Variants in SLC35E2B observed in about 807,000 individuals in gnomAD.
SLC35E2B encodes solute carrier family 35 member E2B.
SLC35E2B carries 18 observed loss-of-function variants against 32.4 expected under a neutral mutation model. The observed-to-expected ratio is 0.56, with a 90% CI of 0.38 to 0.82. The LOEUF (loss-of-function observed/expected upper bound fraction) is 0.82. Ranked by LOEUF, SLC35E2B falls within the 40% of genes least tolerant of loss-of-function variation. SLC35E2B has a pLI of 0.00. For missense variants in SLC35E2B, 263 were observed against 469.5 expected, an observed-to-expected ratio of 0.56 and a Z score of 4.06; for synonymous variants, 132 against 209.1, an observed-to-expected ratio of 0.63 and a Z score of 3.18.
At position 1,668,612 on chromosome 1, in the gene SLC35E2B, C is replaced by T. The variant is rs766657113; in HGVS notation, c.835-140G>A. On this transcript the variant is annotated intron_variant, in intron 8 of 9. Coordinates refer to ENST00000617444, the MANE Select transcript of SLC35E2B (RefSeq NM_001290264.2). The stretch of plus-strand genomic sequence containing the variant: ...AGGACAGCCCTGAAAATGCCTCGAG[C>T]GGACAGCTGGACTGTGCACTCATCC... 2.0e-5 allele frequency: 27 copies of T among 1,335,046 alleles called. 1 individual carries two copies. The highest frequency in any genetic ancestry group is 8.0e-5 in the Admixed American group (4 of 49,894). The allele number at this position is 1,335,046 out of a possible 1,614,324, so 82.7% of individuals were successfully genotyped here. A position where few individuals can be genotyped will look rare whatever the true frequency, so the allele number is the denominator to read the frequency against.
At chr1:1,667,141 T>A (rs112681629) in intron 9 of SLC35E2B, among the ~76,000 whole-genome samples, 13 of 1,742 alleles carry the variant, frequency 7.5e-3, no homozygotes, top group Admixed American at 0.024. Context: ...GCGCGGTGGC[T>A]CACGCCTGTA....
At chr1:1,688,176 G>A (rs1643974411) in intron 2 of SLC35E2B, among the ~76,000 whole-genome samples, 1 of 152,098 alleles carries the variant, frequency 6.6e-6, no homozygotes, top group Non-Finnish European at 1.5e-5. Flanking sequence ...AATGGCAAAG[G>A]AGGGGAAGTC....
At chr1:1,669,849 T>C in intron 7 of SLC35E2B, 113 bp from the exon 8 acceptor site, 7 of 1,143,434 alleles carry the variant, frequency 6.1e-6, no homozygotes, top group Non-Finnish European at 9.0e-6. Flanking sequence ...GTTCATTCTC[T>C]CTAGACAGGA....
chr1:1,677,745 T>G (rs2101106958), intron 2 of SLC35E2B, among the ~76,000 whole-genome samples: 4 of 151,862 alleles, frequency 2.6e-5, no homozygotes, highest in Admixed American at 2.6e-4. Flanking sequence ...CTCGGCCTCC[T>G]AAAGTTCCAT....
rs1238351373 is a variant in SLC35E2B at position 1,671,388 on chromosome 1, C to A, written c.707+121G>T. 2.0e-4 allele frequency: 222 copies of A among 1,138,362 alleles called. 1 individual carries two copies. Among genetic ancestry groups the A allele is most frequent in the Middle Eastern group, 9.2e-4 (3 of 3,250 alleles). 70.5% of individuals were successfully genotyped at this position (1,138,362 alleles called of 1,614,324 possible). On this transcript the variant is annotated intron_variant, in intron 6 of 9. Transcript: ENST00000617444. ...TGTTTTGCTCTTTAGGAAAGGGCAG[C>A]ATTGGACGCACCTGCTTTGGCTCAC...
chr1:1,678,534 G>A lies in SLC35E2B; in HGVS notation c.-147-1688C>T, dbSNP rs114932186. On this transcript the variant is annotated intron_variant, in intron 2 of 9. Transcript: ENST00000617444. The stretch of plus-strand genomic sequence containing the variant: ...ACCGCCAGCTCAGTGCCACCCAGAC[G>A]CTCCCAGGCCACCCATGTGTGCCCT... Among the ~76,000 whole-genome samples, 854 of 152,106 alleles carry A rather than the reference G, an allele frequency of 5.6e-3. 14 individuals carry two copies. The highest frequency in any genetic ancestry group is 0.018 in the African/African-American group (761 of 41,470).
chr1:1,671,685 C>A, intron 5 of SLC35E2B, 56 bp from the exon 6 acceptor site: 1 of 1,430,168 alleles, frequency 7.0e-7, no homozygotes. Flanking sequence ...CGCTCCCTCC[C>A]GAGGGCCAGG....
In SLC35E2B at chr1:1,671,641, A is replaced by G; in HGVS notation, c.587-12T>C. On this transcript the variant is annotated splice_polypyrimidine_tract_variant and intron_variant, in intron 5 of 9. Coordinates refer to ENST00000617444, the MANE Select transcript of SLC35E2B (RefSeq NM_001290264.2). ...GTTGACCAGCAGCCCTGGCGAGAGG[A>G]CAGCCCCTGTGAGTGGCTGACCCGC... 6.5e-7 allele frequency: 1 copy of G among 1,532,160 alleles called. No homozygotes were observed. The highest frequency in any genetic ancestry group is 8.8e-7 in the Non-Finnish European group (1 of 1,136,610). 94.9% of individuals were successfully genotyped at this position (1,532,160 alleles called of 1,614,324 possible). A position where few individuals can be genotyped will look rare whatever the true frequency, so the allele number is the denominator to read the frequency against.
chr1:1,682,955 T>C (rs1156856639), intron 2 of SLC35E2B, among the ~76,000 whole-genome samples: 1 of 151,952 alleles, frequency 6.6e-6, no homozygotes, highest in Non-Finnish European at 1.5e-5. Context: ...TGGGCACCTG[T>C]AATCCCACCT....
chr1:1,682,294 C>A (rs1201274181), intron 2 of SLC35E2B, among the ~76,000 whole-genome samples: 1 of 152,128 alleles, frequency 6.6e-6, no homozygotes, highest in Non-Finnish European at 1.5e-5. Flanking sequence ...TTCACACCTT[C>A]TCATAGAAGT....
At position 1,685,497 on chromosome 1, in the gene SLC35E2B, AG is replaced by A. The variant is rs1643939677; in HGVS notation, c.-148+5478del. 2.0e-5 allele frequency among the ~76,000 whole-genome samples: 3 copies of A among 152,048 alleles called. 1 individual carries two copies. Among genetic ancestry groups the A allele is most frequent in the African/African-American group, 7.2e-5 (3 of 41,466 alleles). On this transcript the variant is annotated intron_variant, in intron 2 of 9. Transcript: ENST00000617444. ...TAAGGAGACTCTTCAGTGACAGGGCAGGCAGGAGTGCAGTGCAGTGAGGTGG... is the reference window on the plus strand; with the variant it reads ...TAAGGAGACTCTTCAGTGACAGGGCAGCAGGAGTGCAGTGCAGTGAGGTGG...
chr1:1,683,559 C>T (rs1008296354), intron 2 of SLC35E2B, among the ~76,000 whole-genome samples: 1 of 151,972 alleles, frequency 6.6e-6, no homozygotes, highest in South Asian at 2.1e-4. Context: ...AATCCGAAGA[C>T]CATCCCACTC....
chr1:1,666,167 C>T (rs776395122), intron 9 of SLC35E2B, 148 bp from the exon 10 acceptor site: 48 of 967,076 alleles, frequency 5.0e-5, no homozygotes, highest in African/African-American at 1.5e-4. Flanking sequence ...GCCAGCAGCT[C>T]GGCTGACCCC....
chr1:1,671,213 A>G (rs1233213978), intron 6 of SLC35E2B: 3 of 208,504 alleles, frequency 1.4e-5, no homozygotes, highest in Non-Finnish European at 2.9e-5. Context: ...GCATGAAGAC[A>G]CACCGAGCGA....
chr1:1,665,991 A>G lies in SLC35E2B; in HGVS notation c.1009T>C (p.Ser337Pro). ...AAAACGATTACGCTGAGCCAGATGGACAAGGCATGTTTCACGGTGCTGGCG... is the reference window on the plus strand; with the variant it reads ...AAAACGATTACGCTGAGCCAGATGGGCAAGGCATGTTTCACGGTGCTGGCG... The part of the protein sequence containing the change: ...SVASTVKHAL[S>P]IWLSVIVFGN... Residue 337 changes from serine (S) to proline (P), a missense_variant, in exon 10 of 10, where the codon TCC becomes CCC. This residue lies in a region of SLC35E2B where 38 missense variants were observed against 56.9 expected (regional missense o/e 0.67). Transcript: ENST00000617444. The G allele has an allele frequency of 6.4e-7, 1 of 1,551,472 alleles. No homozygotes were observed. The highest frequency in any genetic ancestry group is 8.7e-7 in the Non-Finnish European group (1 of 1,146,952).
chr1:1,679,128 C>T (rs763732223), intron 2 of SLC35E2B, among the ~76,000 whole-genome samples: 51 of 152,180 alleles, frequency 3.4e-4, no homozygotes, highest in Non-Finnish European at 5.3e-4. Context: ...TCTGCCACCA[C>T]CAGCGAGTTT....
At position 1,686,842 on chromosome 1, in the gene SLC35E2B, G is replaced by C. The variant is rs563077936; in HGVS notation, c.-148+4134C>G. 2.0e-5 allele frequency among the ~76,000 whole-genome samples: 3 copies of C among 152,026 alleles called. No individual in the cohort carries two copies. The South Asian group carries it at 6.2e-4, about 32-fold the overall frequency. ...GAGTCCAAGGGGGTCGGATCATGAG[G>C]TCAGGAGATCGAGATCATCCTGGCT... On this transcript the variant is annotated intron_variant, in intron 2 of 9. Transcript: ENST00000617444.
intron 1 of SLC35E2B, among the ~76,000 whole-genome samples, chr1:1,692,151 T>C (rs1997727): frequency 0.31 from 31,255 of 100,844 alleles, 1,426 homozygotes; most frequent in Admixed American, 0.39. Flanking sequence ...TTGTGTTTTT[T>C]TGTTGTTGTT....
At position 1,665,468 on chromosome 1, in the gene SLC35E2B, C is replaced by A. The variant is rs1570305927; in HGVS notation, c.*314G>T. 1.8e-6 allele frequency: 1 copy of A among 548,358 alleles called. No homozygotes were observed. The highest frequency in any genetic ancestry group is 3.0e-5 in the East Asian group (1 of 33,534). The allele number at this position is 548,358 out of a possible 1,614,324, so 34.0% of individuals were successfully genotyped here. ...GGACCCACCTCTGGCTCCCGGTGGA[C>A]CCTGGGGTGTCGCCCAGAGAGGAAG... On this transcript the variant is annotated 3_prime_UTR_variant, in exon 10 of 10. Coordinates refer to ENST00000617444, the MANE Select transcript of SLC35E2B (RefSeq NM_001290264.2).
Sources: gnomAD v4.1 joint callset for allele counts (sites outside exome capture counted in the v4.1 genomes callset) on GRCh38, gnomAD v4.1.1 for gene constraint, gnomAD v4.1.1 regional missense constraint, MANE v1.5 for transcripts, NCBI Gene and HGNC (gene_info 2026-07-23, HGNC 2026-07-21) for gene names.